The following MRE11 variants were observed in gnomAD, a reference collection of about 807,000 sequenced individuals.
MRE11 encodes MRE11 double strand break repair nuclease, also known as double-strand break repair protein MRE11.
In MRE11, 62 loss-of-function variants were observed where a neutral mutation model predicts 91.7. That is an observed-to-expected ratio of 0.68 (90% CI 0.55 to 0.84). The LOEUF (loss-of-function observed/expected upper bound fraction) is 0.84. Ranked by LOEUF, MRE11 falls within the 40% of genes least tolerant of loss-of-function variation. MRE11 has a pLI of 0.00. For missense variants in MRE11, 796 were observed against 852.9 expected (o/e 0.93, Z 0.83); for synonymous variants, 273 against 271.4 (o/e 1.01, Z -0.06).
At position 94,417,826 on chromosome 11, in the gene MRE11, T is replaced by C; in HGVS notation, c.*2299A>G. 4.3e-6 allele frequency: 1 copy of C among 233,156 alleles called. No homozygotes were observed. The highest frequency in any genetic ancestry group is 8.5e-6 in the Non-Finnish European group (1 of 117,990). The allele number at this position is 233,156 out of a possible 1,614,324, so 14.4% of individuals were successfully genotyped here. A position where few individuals can be genotyped will look rare whatever the true frequency, so the allele number is the denominator to read the frequency against. Reference sequence around the variant, plus strand: ...CTGAATTAAAGGTCACATTCCTAAATGCTTGAATTTTCTAAGCACCACTTA... The same window carrying C: ...CTGAATTAAAGGTCACATTCCTAAACGCTTGAATTTTCTAAGCACCACTTA... On this transcript the variant is annotated 3_prime_UTR_variant, in exon 20 of 20. Coordinates refer to ENST00000323929, the MANE Select transcript of MRE11 (RefSeq NM_005591.4).
intron 19 of MRE11, among the ~76,000 whole-genome samples, chr11:94,422,940 C>T (rs932938838): frequency 6.6e-6 from 1 of 152,014 alleles, no homozygotes; most frequent in East Asian, 1.9e-4. Context: ...CATGAACTCC[C>T]GACCTCAGGT....
intron 11 of MRE11, among the ~76,000 whole-genome samples, chr11:94,462,732 G>A (rs1247004976): frequency 6.6e-6 from 1 of 152,296 alleles, no homozygotes; most frequent in African/African-American, 2.4e-5. Context: ...GCCATATGTA[G>A]AAAGCTGAAA....
intron 16 of MRE11, among the ~76,000 whole-genome samples, chr11:94,443,786 T>C (rs935416997): frequency 9.9e-5 from 15 of 152,142 alleles, no homozygotes; most frequent in African/African-American, 3.4e-4. Context: ...CAAAATAGAT[T>C]AAAAAGCATT....
At chr11:94,431,989 T>C (rs1298417516) in intron 18 of MRE11, among the ~76,000 whole-genome samples, 2 of 151,668 alleles carry the variant, frequency 1.3e-5, no homozygotes, top group African/African-American at 2.4e-5. Context: ...GAAAGCTAGA[T>C]CTGATTTGTG....
chr11:94,510,960 C>T, the MRE11 span, among the ~76,000 whole-genome samples: 2 of 152,220 alleles, frequency 1.3e-5, no homozygotes, highest in African/African-American at 4.8e-5. Context: ...GCATCCTTAG[C>T]ACATATAATA....
chr11:94,460,981 T>TA lies in MRE11; in HGVS notation c.1280dup (p.Leu427PhefsTer30), dbSNP rs2134999988. On this transcript the variant is annotated frameshift_variant, in exon 12 of 20. Transcript: ENST00000323929. LOFTEE classifies it high-confidence loss of function. ...ACTGTTTTACAAGATCTTCTACCCT[T>TA]AAAGTTGTTCCTTCTGAAGGCTTTG... The TA allele has an allele frequency of 6.2e-7, 1 of 1,613,886 alleles. No homozygotes were observed. The highest frequency in any genetic ancestry group is 8.5e-7 in the Non-Finnish European group (1 of 1,179,974).
In MRE11 at chr11:94,471,595, G is replaced by A. The variant is rs1591694835; in HGVS notation, c.824C>T (p.Ser275Phe). 3.1e-6 allele frequency: 5 copies of A among 1,612,496 alleles called. No individual in the cohort carries two copies. The highest frequency in any genetic ancestry group is 3.4e-6 in the Non-Finnish European group (4 of 1,178,958). The change falls in exon 8 of 20, where the codon TCC becomes TTC. Residue 275 changes from serine (S) to phenylalanine (F), a missense_variant. Transcript: ENST00000323929. ...QPGSSVVTSL[S>F]PGEAVKKHVG... is the part of the protein sequence containing the mutation. ...TCACTTCTTTACAGCTTCTCCTGGG[G>A]AAAGAGAAGTAACCACTGAGCTTCC...
intron 18 of MRE11, among the ~76,000 whole-genome samples, chr11:94,432,620 A>G (rs1860832488): frequency 6.6e-6 from 1 of 152,212 alleles, no homozygotes; most frequent in Non-Finnish European, 1.5e-5. Flanking sequence ...ATCCTGGCTA[A>G]CACGGTGAAA....
chr11:94,511,547 T>C, the MRE11 span, among the ~76,000 whole-genome samples: 2 of 152,170 alleles, frequency 1.3e-5, no homozygotes, highest in Non-Finnish European at 2.9e-5. Context: ...ACAGGGAGTA[T>C]GAAAGAGAGA....
intron 14 of MRE11, among the ~76,000 whole-genome samples, chr11:94,452,397 A>G (rs1946133787): frequency 6.6e-6 from 1 of 152,190 alleles, no homozygotes; most frequent in East Asian, 1.9e-4. Flanking sequence ...GTAAAGATCA[A>G]AAGATACAGT....
At chr11:94,466,682 CCA>C (rs1249566313) in intron 10 of MRE11, 1 of 253,192 alleles carries the variant, frequency 3.9e-6, no homozygotes, top group African/African-American at 2.3e-5. Context: ...CTCTTTACCT[CCA>C]CAGTCTACAT....
At chr11:94,457,883 T>A (rs368233217) in intron 13 of MRE11, among the ~76,000 whole-genome samples, 1 of 84,458 alleles carries the variant, frequency 1.2e-5, no homozygotes, top group Non-Finnish European at 2.5e-5. Flanking sequence ...CCTCTCTCTC[T>A]CTCTCACACA....
At chr11:94,506,585 C>CTTTTTTTTTTTTTTTTTT in the MRE11 span, among the ~76,000 whole-genome samples, 1 of 147,186 alleles carries the variant, frequency 6.8e-6, no homozygotes, top group African/African-American at 2.6e-5. Context: ...ACAGTAATTG[C>CTTTTTTTTTTTTTTTTTT]TTTTTTTGTT....
chr11:94,511,107 T>C, the MRE11 span, among the ~76,000 whole-genome samples: 1 of 152,002 alleles, frequency 6.6e-6, no homozygotes, highest in Non-Finnish European at 1.5e-5. Context: ...TCTCAGAAAA[T>C]AGTGCAAAAA....
At chr11:94,497,215 GA>G, upstream of MRE11, 2 of 534,212 alleles carry the variant, frequency 3.7e-6, no homozygotes, top group Non-Finnish European at 6.6e-6. Flanking sequence ...GATCATTTAG[GA>G]AAGAGAGGAT....
the MRE11 span, among the ~76,000 whole-genome samples, chr11:94,506,002 C>A: frequency 1.3e-5 from 2 of 152,184 alleles, no homozygotes; most frequent in Non-Finnish European, 2.9e-5. Flanking sequence ...GTAGGCTGTG[C>A]CACCTAGCCA....
chr11:94,483,471 T>C (rs1212076822), intron 4 of MRE11, among the ~76,000 whole-genome samples: 1 of 152,178 alleles, frequency 6.6e-6, no homozygotes, highest in Non-Finnish European at 1.5e-5. Flanking sequence ...GTTCTGGTGA[T>C]AGTGAATAAG....
At chr11:94,462,216 T>C (rs534505547) in intron 11 of MRE11, among the ~76,000 whole-genome samples, 1 of 152,162 alleles carries the variant, frequency 6.6e-6, no homozygotes, top group South Asian at 2.1e-4. Flanking sequence ...GGAATCCAAT[T>C]TACAAGGATA....
At chr11:94,422,429 C>T (rs750460330) in intron 19 of MRE11, among the ~76,000 whole-genome samples, 29 of 152,096 alleles carry the variant, frequency 1.9e-4, no homozygotes, top group Non-Finnish European at 3.4e-4. Flanking sequence ...CTACATGACA[C>T]ATGTAGAGCA....
Sources: gnomAD v4.1 joint callset for allele counts (sites outside exome capture counted in the v4.1 genomes callset) on GRCh38, gnomAD v4.1.1 for gene constraint, MANE v1.5 for transcripts, NCBI Gene and HGNC (gene_info 2026-07-23, HGNC 2026-07-21) for gene names.